MMUT: variants seen among roughly 807,000 people sequenced by gnomAD.
MMUT encodes the protein methylmalonyl-CoA mutase, mitochondrial.
Under a neutral mutation model 79.9 loss-of-function variants are expected in MMUT, and 79 were observed. That is an observed-to-expected ratio of 0.99 (90% CI 0.82 to 1.19). The LOEUF (loss-of-function observed/expected upper bound fraction) is 1.19. MMUT is among the 50% of genes most tolerant of loss of function. MMUT has a pLI of 0.00. For missense variants in MMUT, 860 were observed against 917.2 expected, an observed-to-expected ratio of 0.94 and a Z score of 0.81; for synonymous variants, 273 against 295.7, an observed-to-expected ratio of 0.92 and a Z score of 0.79.
chr6:49,449,838 G>C (rs951549081), intron 6 of MMUT, among the ~76,000 whole-genome samples: 1 of 152,022 alleles, frequency 6.6e-6, no homozygotes, highest in East Asian at 1.9e-4. Flanking sequence ...TGAGCTCTAC[G>C]AATCAAAAAT....
In MMUT at chr6:49,441,958, C is replaced by A. The variant is rs1391177886; in HGVS notation, c.1690G>T (p.Glu564Ter). ...ACCTTTTTCAGGGCATCTGTGATTT[C>A]TCCCACTGTACATCTGAAACATGAA... Reference protein sequence around the residue: ...DASRARCTVGEITDALKKVFG... With the variant: ...DASRARCTVG The change falls in exon 10 of 13, where the codon GAA (glutamate) becomes TAA (stop). Residue 564 changes from glutamate to a stop codon, truncating the protein, a stop_gained. Transcript: ENST00000274813. LOFTEE classifies it high-confidence loss of function. 1.2e-6 allele frequency: 2 copies of A among 1,610,726 alleles called. No individual in the cohort carries two copies. The highest frequency in any genetic ancestry group is 1.7e-6 in the Non-Finnish European group (2 of 1,177,464).
chr6:49,458,715 A>G (rs907307973), intron 2 of MMUT, among the ~76,000 whole-genome samples: 1 of 152,224 alleles, frequency 6.6e-6, no homozygotes, highest in Non-Finnish European at 1.5e-5. Context: ...GTACCACGTT[A>G]TCACATTTAC....
intron 10 of MMUT, among the ~76,000 whole-genome samples, chr6:49,440,579 G>C (rs1767249328): frequency 6.6e-6 from 1 of 151,890 alleles, no homozygotes. Flanking sequence ...CAGCTGCATA[G>C]ATCACCCCAT....
rs915557587 is a variant in MMUT, at chr6:49,459,237, T to A, written c.230A>T (p.Asp77Val). The change falls in exon 2 of 13, where the codon GAT becomes GTT. Residue 77 changes from aspartate (D) to valine (V), a missense_variant. Physicochemically the swap from Asp to Val is radical, Grantham distance 152. Transcript: ENST00000274813. ...ISIKPLYSKRDTMDLPEELPG... is the reference protein window; with the variant it reads ...ISIKPLYSKRVTMDLPEELPG... ...AAGTTCTTCAGGTAAGTCCATAGTA[T>A]CTCTCTTGGAATACAAGGGTTTTAT... 2 of 1,614,174 alleles carry A rather than the reference T, an allele frequency of 1.2e-6. No individual in the cohort carries two copies. The highest frequency in any genetic ancestry group is 1.7e-6 in the Non-Finnish European group (2 of 1,180,026).
Position 49,453,640 on chromosome 6 carries a change from T to G in MMUT, c.1028A>C (p.Lys343Thr). Residue 343 changes from lysine to threonine, a missense_variant, in exon 5 of 13, where the codon AAA (lysine) becomes ACA (threonine). Coordinates refer to ENST00000274813, the MANE Select transcript of MMUT (RefSeq NM_000255.4). ...IEKMFQPKNSKSLLLRAHCQT... is the reference protein window; with the variant it reads ...IEKMFQPKNSTSLLLRAHCQT... ...ACAGTGTGCTCTTAGAAGAAGAGAT[T>G]TTGAGTTTTTAGGCTGAAACATTTT... 1 of 1,613,118 alleles carries G rather than the reference T, an allele frequency of 6.2e-7. No homozygotes were observed. The highest frequency in any genetic ancestry group is 1.7e-4 in the Middle Eastern group (1 of 6,052).
chr6:49,436,145 G>A (rs1388464950), intron 11 of MMUT, among the ~76,000 whole-genome samples: 1 of 152,166 alleles, frequency 6.6e-6, no homozygotes, highest in African/African-American at 2.4e-5. Context: ...GCAAGGTTGT[G>A]GAGAAAATGG....
chr6:49,446,873 A>T (rs1251742514), intron 8 of MMUT, among the ~76,000 whole-genome samples: 2 of 150,566 alleles, frequency 1.3e-5, no homozygotes, highest in Non-Finnish European at 3.0e-5. Flanking sequence ...AGATTGAACT[A>T]AAAAAAAAGC....
At chr6:49,452,308 T>C (rs1446383917) in intron 5 of MMUT, among the ~76,000 whole-genome samples, 1 of 152,068 alleles carries the variant, frequency 6.6e-6, no homozygotes, top group African/African-American at 2.4e-5. Flanking sequence ...TATTTCTCCA[T>C]GTATTTATTT....
intron 1 of MMUT, among the ~76,000 whole-genome samples, chr6:49,461,703 A>T (rs1767848354): frequency 6.6e-6 from 1 of 152,208 alleles, no homozygotes; most frequent in African/African-American, 2.4e-5. Flanking sequence ...CGGGAAGCAG[A>T]GGTTGCAGTG....
intron 3 of MMUT, among the ~76,000 whole-genome samples, chr6:49,456,672 A>G (rs1240380105): frequency 6.6e-6 from 1 of 152,194 alleles, no homozygotes; most frequent in Admixed American, 6.5e-5. Flanking sequence ...TTTACTAGTT[A>G]TTAATTTTCT....
chr6:49,461,074 T>C (rs2127421042), intron 1 of MMUT, among the ~76,000 whole-genome samples: 1 of 152,316 alleles, frequency 6.6e-6, no homozygotes, highest in African/African-American at 2.4e-5. Context: ...ATAAGTGAAT[T>C]ACAGCATATA....
intron 6 of MMUT, 108 bp downstream of exon 6, chr6:49,451,358 G>C: frequency 7.9e-7 from 1 of 1,271,002 alleles, no homozygotes; most frequent in Non-Finnish European, 1.1e-6. Context: ...TAAGTGATTT[G>C]ATTTATAAAT....
At chr6:49,439,704 A>T (rs916535049) in intron 11 of MMUT, among the ~76,000 whole-genome samples, 3 of 152,148 alleles carry the variant, frequency 2.0e-5, no homozygotes, top group African/African-American at 7.2e-5. Flanking sequence ...TCCTTCTAAG[A>T]TTATCCTTAG....
At chr6:49,437,828 T>C (rs1767171654) in intron 11 of MMUT, among the ~76,000 whole-genome samples, 1 of 152,030 alleles carries the variant, frequency 6.6e-6, no homozygotes. Context: ...CAGAGAGTGA[T>C]TTTACTAGAA....
chr6:49,455,404 C>T (rs1164519341), intron 4 of MMUT, among the ~76,000 whole-genome samples: 1 of 152,190 alleles, frequency 6.6e-6, no homozygotes, highest in African/African-American at 2.4e-5. Flanking sequence ...TCTTAGACCA[C>T]ACTTTGGGAA....
chr6:49,433,945 G>C (rs530804002), intron 12 of MMUT, among the ~76,000 whole-genome samples: 49 of 152,252 alleles, frequency 3.2e-4, no homozygotes, highest in Middle Eastern at 6.8e-3. Context: ...AAAATCACAT[G>C]GCAAACACCT....
At chr6:49,444,881 A>G (rs1173707693) in intron 8 of MMUT, 127 bp from the exon 9 acceptor site, 2 of 633,078 alleles carry the variant, frequency 3.2e-6, no homozygotes, top group African/African-American at 3.7e-5. Context: ...ATTTAAGAGG[A>G]AAAAATTGAA....
intron 9 of MMUT, among the ~76,000 whole-genome samples, chr6:49,442,392 G>A (rs1193738121): frequency 6.6e-6 from 1 of 152,078 alleles, no homozygotes; most frequent in Non-Finnish European, 1.5e-5. Context: ...TGCCTAATAT[G>A]TGCCAGATAT....
At chr6:49,438,866 A>C (rs1009536103) in intron 11 of MMUT, among the ~76,000 whole-genome samples, 8 of 152,120 alleles carry the variant, frequency 5.3e-5, no homozygotes, top group African/African-American at 1.9e-4. Context: ...CCCGTGGTGG[A>C]TGCTTCCTGC....
Sources: gnomAD v4.1 joint callset for allele counts (sites outside exome capture counted in the v4.1 genomes callset) on GRCh38, gnomAD v4.1.1 for gene constraint, MANE v1.5 for transcripts, NCBI Gene and HGNC (gene_info 2026-07-23, HGNC 2026-07-21) for gene names.